The following IL1RAPL2 variants were observed in gnomAD, a reference collection of about 807,000 sequenced individuals.
The protein encoded by IL1RAPL2 is X-linked interleukin-1 receptor accessory protein-like 2.
In IL1RAPL2, 3 loss-of-function variants were observed where a neutral mutation model predicts 44.1. That is an observed-to-expected ratio of 0.07 (90% confidence interval 0.03 to 0.18). The LOEUF is 0.18. IL1RAPL2 is among the 10% of genes least tolerant of loss of function. IL1RAPL2 has a pLI of 1.00. For synonymous variants in IL1RAPL2, 181 were observed against 178.8 expected (o/e 1.01, Z -0.10); for missense variants, 391 against 496.4 (o/e 0.79, Z 2.02).
chrX:104,914,493 C>T (rs1039437185), intron 2 of IL1RAPL2, among the ~76,000 whole-genome samples: 8 of 111,964 alleles, frequency 7.1e-5, no homozygotes, highest in African/African-American at 2.3e-4. Flanking sequence ...TATATAAATG[C>T]ATCTGGAAAG....
chrX:105,247,621 G>A (rs1243738910), intron 4 of IL1RAPL2, among the ~76,000 whole-genome samples: 3 of 107,751 alleles, frequency 2.8e-5, no homozygotes, highest in Admixed American at 2.0e-4. Flanking sequence ...GTGTGTGTGT[G>A]TGTGTGTGTG....
intron 2 of IL1RAPL2, among the ~76,000 whole-genome samples, chrX:104,979,845 A>G (rs2030404964): frequency 8.9e-6 from 1 of 112,172 alleles, no homozygotes; most frequent in Admixed American, 9.4e-5. Context: ...TATGAGGATC[A>G]CAACTGGGAC....
intron 5 of IL1RAPL2, among the ~76,000 whole-genome samples, chrX:105,373,288 T>TC (rs1197957376): frequency 6.2e-5 from 7 of 112,747 alleles, no homozygotes; most frequent in African/African-American, 1.9e-4. Flanking sequence ...AGCTTTTTTT[T>TC]CATACAGTTG....
chrX:104,879,484 CA>C (rs1188473048), intron 2 of IL1RAPL2, among the ~76,000 whole-genome samples: 1 of 110,343 alleles, frequency 9.1e-6, no homozygotes, highest in Non-Finnish European at 1.9e-5. Flanking sequence ...ATGTTTGTGC[CA>C]AATGGCAACT....
chrX:104,618,096 A>G (rs1393376462), intron 1 of IL1RAPL2, among the ~76,000 whole-genome samples: 2 of 111,651 alleles, frequency 1.8e-5, no homozygotes, highest in Non-Finnish European at 3.8e-5. Flanking sequence ...AATGCTGGGT[A>G]GGATATTTTG....
At chrX:105,551,286 C>T (rs1479782701) in intron 6 of IL1RAPL2, among the ~76,000 whole-genome samples, 1 of 100,744 alleles carries the variant, frequency 9.9e-6, no homozygotes, top group African/African-American at 3.7e-5. Context: ...ATGCACTTTA[C>T]CAAAAAAAAA....
At chrX:105,659,156 C>A (rs962920813) in intron 6 of IL1RAPL2, among the ~76,000 whole-genome samples, 1 of 108,815 alleles carries the variant, frequency 9.2e-6, no homozygotes, top group East Asian at 2.9e-4. Flanking sequence ...AAACAAACAA[C>A]AGCAACAACA....
chrX:105,289,332 G>C (rs1338505187), intron 5 of IL1RAPL2, among the ~76,000 whole-genome samples: 5 of 110,823 alleles, frequency 4.5e-5, no homozygotes, highest in Non-Finnish European at 7.6e-5. Flanking sequence ...AGCCATTGAA[G>C]GGTTTTGAAC....
intron 3 of IL1RAPL2, among the ~76,000 whole-genome samples, chrX:105,206,620 C>A (rs957924643): frequency 3.6e-5 from 4 of 111,927 alleles, no homozygotes; most frequent in Non-Finnish European, 7.5e-5. Flanking sequence ...ACATTATTGT[C>A]TGGTGATGAG....
At chrX:105,741,247 G>A (rs963105747) in intron 8 of IL1RAPL2, among the ~76,000 whole-genome samples, 1 of 111,012 alleles carries the variant, frequency 9.0e-6, no homozygotes, top group Non-Finnish European at 1.9e-5. Flanking sequence ...GGTTCCAGAC[G>A]GGGTGGAAAT....
chrX:105,637,395 T>C (rs1237567286), intron 6 of IL1RAPL2, among the ~76,000 whole-genome samples: 1 of 111,841 alleles, frequency 8.9e-6, no homozygotes, highest in Non-Finnish European at 1.9e-5. Flanking sequence ...TCAGTTTCTA[T>C]TTTATCTGAG....
At chrX:104,846,061 C>G (rs902706173) in intron 2 of IL1RAPL2, among the ~76,000 whole-genome samples, 1 of 111,472 alleles carries the variant, frequency 9.0e-6, no homozygotes, top group Non-Finnish European at 1.9e-5. Context: ...GTTATTATCT[C>G]AAAGTATTGG....
At chrX:105,464,714 TA>T (rs1290968731) in intron 5 of IL1RAPL2, among the ~76,000 whole-genome samples, 5 of 111,651 alleles carry the variant, frequency 4.5e-5, no homozygotes, top group Non-Finnish European at 9.4e-5. Context: ...AATGTTAGTT[TA>T]AACTGAAACT....
intron 10 of IL1RAPL2, among the ~76,000 whole-genome samples, chrX:105,759,816 G>A (rs1388943279): frequency 8.9e-6 from 1 of 111,738 alleles, no homozygotes; most frequent in Admixed American, 9.5e-5. Context: ...TCTGAAGTGA[G>A]GCATGCAAAA....
At chrX:105,320,588 GTGTA>G (rs1201650931) in intron 5 of IL1RAPL2, among the ~76,000 whole-genome samples, 9 of 108,847 alleles carry the variant, frequency 8.3e-5, no homozygotes, top group Non-Finnish European at 1.5e-4. Context: ...GTGCAGGTAT[GTGTA>G]TGTGTGTTTG....
chrX:105,424,820 A>G (rs1261690276), intron 5 of IL1RAPL2, among the ~76,000 whole-genome samples: 1 of 110,852 alleles, frequency 9.0e-6, no homozygotes, highest in East Asian at 2.8e-4. Flanking sequence ...TTAAGTGTGT[A>G]CTGATAATCC....
intron 6 of IL1RAPL2, among the ~76,000 whole-genome samples, chrX:105,653,992 C>T (rs943667806): frequency 2.7e-5 from 3 of 110,306 alleles, no homozygotes; most frequent in African/African-American, 6.7e-5. Context: ...CACACACACA[C>T]GCACACACCC....
chrX:105,347,950 A>C (rs2035123854), intron 5 of IL1RAPL2, among the ~76,000 whole-genome samples: 1 of 111,756 alleles, frequency 8.9e-6, no homozygotes, highest in Non-Finnish European at 1.9e-5. Context: ...CTTTGGCTTA[A>C]AAATATCCAT....
At chrX:105,416,318 T>C (rs975041225) in intron 5 of IL1RAPL2, among the ~76,000 whole-genome samples, 11 of 112,061 alleles carry the variant, frequency 9.8e-5, no homozygotes, top group African/African-American at 3.6e-4. Flanking sequence ...ACACACATAC[T>C]TATTTTATCA....
Sources: gnomAD v4.1 joint callset for allele counts (sites outside exome capture counted in the v4.1 genomes callset) on GRCh38, gnomAD v4.1.1 for gene constraint, MANE v1.5 for transcripts, NCBI Gene and HGNC (gene_info 2026-07-23, HGNC 2026-07-21) for gene names.